SYT6: variants seen among roughly 807,000 people sequenced by gnomAD.
SYT6 encodes synaptotagmin-6.
SYT6 carries 24 observed loss-of-function variants against 38.4 expected under a neutral mutation model. That is an observed-to-expected ratio of 0.62 (90% CI 0.45 to 0.88). The LOEUF is 0.88. SYT6 is among the 40% of genes least tolerant of loss of function. The pLI, the probability that SYT6 is intolerant of heterozygous loss-of-function variation, is 0.00. For synonymous variants in SYT6, 265 were observed against 241.9 expected, an observed-to-expected ratio of 1.10 and a Z score of -0.89; for missense variants, 611 against 621.0, an observed-to-expected ratio of 0.98 and a Z score of 0.17.
At chr1:114,103,472 A>T in intron 4 of SYT6, 129 bp downstream of exon 4, 1 of 1,294,008 alleles carries the variant, frequency 7.7e-7, no homozygotes, top group Non-Finnish European at 1.1e-6. Flanking sequence ...ATTCGAATCC[A>T]GGCAGTTTGT....
intron 3 of SYT6, among the ~76,000 whole-genome samples, chr1:114,127,984 C>G (rs900552687): frequency 2.0e-5 from 3 of 152,220 alleles, no homozygotes; most frequent in Non-Finnish European, 2.9e-5. Context: ...TGGCTTCTGA[C>G]TCAGGTGGGT....
chr1:114,137,255 C>A (rs746250074), intron 3 of SYT6, among the ~76,000 whole-genome samples: 4 of 152,180 alleles, frequency 2.6e-5, no homozygotes, highest in Non-Finnish European at 4.4e-5. Context: ...AACATGCAAC[C>A]AGAAGCCACA....
chr1:114,129,498 T>C (rs1048150018), intron 3 of SYT6, among the ~76,000 whole-genome samples: 1 of 152,300 alleles, frequency 6.6e-6, no homozygotes, highest in East Asian at 1.9e-4. Flanking sequence ...CCACACTCAC[T>C]GGTCCTCTTG....
At chr1:114,136,097 T>C (rs1272056014) in intron 3 of SYT6, among the ~76,000 whole-genome samples, 3 of 152,168 alleles carry the variant, frequency 2.0e-5, no homozygotes, top group East Asian at 1.9e-4. Context: ...TACTGAGCCA[T>C]TGGGCTGGAC....
At position 114,137,695 on chromosome 1, in the gene SYT6, T is replaced by G; in HGVS notation, c.871A>C (p.Asn291His). The G allele has an allele frequency of 6.2e-7, 1 of 1,613,872 alleles. No individual in the cohort carries two copies. The highest frequency in any genetic ancestry group is 2.2e-5 in the East Asian group (1 of 44,882). Residue 291 changes from asparagine (N) to histidine (H), a missense_variant, in exon 3 of 8, where the codon AAC (asparagine) becomes CAC (histidine). Transcript: ENST00000610222. ...LQTRVHRKTLNPTFDENFHFP... is the reference protein window; with the variant it reads ...LQTRVHRKTLHPTFDENFHFP... ...TGGAAGTTCTCATCAAAGGTGGGGT[T>G]CAGGGTCTTGCGGTGCACCCGGGTC...
At chr1:114,104,802 C>T (rs1465500011) in intron 3 of SYT6, among the ~76,000 whole-genome samples, 1 of 152,020 alleles carries the variant, frequency 6.6e-6, no homozygotes, top group Non-Finnish European at 1.5e-5. Context: ...TTTCATGGAA[C>T]TTAAAAAATA....
intron 1 of SYT6, among the ~76,000 whole-genome samples, chr1:114,140,269 G>A (rs972145617): frequency 6.6e-6 from 1 of 151,596 alleles, no homozygotes; most frequent in African/African-American, 2.4e-5. Context: ...CTCTCTACTG[G>A]CTATTGGCAC....
At chr1:114,141,797 G>A (rs1119040) in intron 1 of SYT6, among the ~76,000 whole-genome samples, 31,499 of 152,120 alleles carry the variant, frequency 0.21, 3,586 homozygotes, top group South Asian at 0.33. Context: ...GATGAACCCA[G>A]TGCTTATTTA....
chr1:114,107,384 G>C (rs1234270195), intron 3 of SYT6, among the ~76,000 whole-genome samples: 1 of 152,232 alleles, frequency 6.6e-6, no homozygotes, highest in African/African-American at 2.4e-5. Context: ...CTGCAGTGTG[G>C]TGTGGCCCGT....
intron 7 of SYT6, among the ~76,000 whole-genome samples, chr1:114,092,869 A>G (rs559392936): frequency 6.6e-6 from 1 of 152,328 alleles, no homozygotes; most frequent in South Asian, 2.1e-4. Context: ...ATCTGACCCC[A>G]TGAATATTCT....
At chr1:114,108,215 G>T (rs1676446721) in intron 3 of SYT6, among the ~76,000 whole-genome samples, 1 of 152,150 alleles carries the variant, frequency 6.6e-6, no homozygotes, top group South Asian at 2.1e-4. Context: ...ATTCTCCTTG[G>T]CTGCAGTGCA....
In SYT6 at chr1:114,091,382, T is replaced by C. The variant is rs921987735; in HGVS notation, c.*752A>G. 1 of 152,388 alleles carries C rather than the reference T, an allele frequency of 6.6e-6. No homozygotes were observed. Among genetic ancestry groups the C allele is most frequent in the African/African-American group, 2.4e-5 (1 of 41,446 alleles). The allele number at this position is 152,388 out of a possible 1,614,324, so 9.4% of individuals were successfully genotyped here. ...GAGGAATCAAGACGTTTTCAATTCA[T>C]GGGGAAAGCCAGCGAGGAAGGGGAG... On this transcript the variant is annotated 3_prime_UTR_variant, in exon 8 of 8. Transcript: ENST00000610222.
chr1:114,135,675 G>T (rs1678434827), intron 3 of SYT6, among the ~76,000 whole-genome samples: 1 of 152,186 alleles, frequency 6.6e-6, no homozygotes, highest in Admixed American at 6.5e-5. Context: ...GGCACAGACT[G>T]CCTGCCCCAG....
intron 3 of SYT6, among the ~76,000 whole-genome samples, chr1:114,119,930 G>T (rs1213680864): frequency 2.0e-5 from 3 of 152,030 alleles, no homozygotes; most frequent in Non-Finnish European, 4.4e-5. Context: ...AATTAGCCAG[G>T]CATGGTGGCA....
intron 3 of SYT6, among the ~76,000 whole-genome samples, chr1:114,131,776 C>T (rs572417237): frequency 1.6e-4 from 24 of 152,290 alleles, no homozygotes; most frequent in Non-Finnish European, 1.9e-4. Context: ...AATGTCAAAC[C>T]CACTGCTCAC....
chr1:114,097,582 G>T, intron 6 of SYT6, 145 bp downstream of exon 6: 2 of 946,054 alleles, frequency 2.1e-6, no homozygotes, highest in Non-Finnish European at 3.1e-6. Context: ...ATTTCCTTTT[G>T]GCCTATTACA....
intron 3 of SYT6, among the ~76,000 whole-genome samples, chr1:114,111,018 T>C (rs529286492): frequency 1.3e-5 from 2 of 152,206 alleles, no homozygotes; most frequent in Admixed American, 1.3e-4. Flanking sequence ...AGCTGAAGAG[T>C]GGCTCAGAAA....
At chr1:114,121,864 AAGAACCT>A (rs68080807) in intron 3 of SYT6, among the ~76,000 whole-genome samples, 69,503 of 151,534 alleles carry the variant, frequency 0.46, 16,199 homozygotes, top group East Asian at 0.59. Flanking sequence ...AAACCATGGC[AAGAACCT>A]AGGAAGGCCC....
At chr1:114,122,632 C>T (rs149170013) in intron 3 of SYT6, among the ~76,000 whole-genome samples, 4 of 152,166 alleles carry the variant, frequency 2.6e-5, no homozygotes, top group Non-Finnish European at 4.4e-5. Context: ...CAGAGAGGAG[C>T]GCAGCCAGAG....
Sources: allele counts gnomAD v4.1 joint callset (sites outside exome capture counted in the v4.1 genomes callset), GRCh38; gene constraint gnomAD v4.1.1; transcripts MANE v1.5; gene names NCBI Gene and HGNC (gene_info 2026-07-23, HGNC 2026-07-21).